STXBP4: variants seen among roughly 807,000 people sequenced by gnomAD.
STXBP4 encodes the protein syntaxin-binding protein 4.
Under a neutral mutation model 76.1 loss-of-function variants are expected in STXBP4, and 55 were observed. The ratio of observed to expected loss-of-function variants is 0.72; its 90% CI spans 0.58 to 0.91. STXBP4 has a LOEUF of 0.91. Ranked by LOEUF, STXBP4 falls within the 40% of genes least tolerant of loss-of-function variation. The probability of loss-of-function intolerance (pLI) is 0.00; values close to 1 mark genes in which losing one functional copy is unlikely to be tolerated. For missense variants in STXBP4, 618 were observed against 636.9 expected, an observed-to-expected ratio of 0.97 and a Z score of 0.32; for synonymous variants, 201 against 220.2, an observed-to-expected ratio of 0.91 and a Z score of 0.77.
chr17:55,200,948 T>C, the STXBP4 span, among the ~76,000 whole-genome samples: 1 of 152,226 alleles, frequency 6.6e-6, no homozygotes, highest in Non-Finnish European at 1.5e-5. Flanking sequence ...TCCATTGCTA[T>C]CCATCTTATT....
intron 16 of STXBP4, among the ~76,000 whole-genome samples, chr17:55,125,796 C>T (rs114203245): frequency 1.2e-3 from 176 of 152,218 alleles, no homozygotes; most frequent in African/African-American, 3.8e-3. Context: ...CCTAGCAGGA[C>T]ACTTAGAGTG....
At chr17:55,120,078 T>C (rs73325241) in intron 16 of STXBP4, among the ~76,000 whole-genome samples, 5,832 of 152,248 alleles carry the variant, frequency 0.038, 399 homozygotes, top group African/African-American at 0.13. Flanking sequence ...TAGAAAATAT[T>C]ATAAGTTAAA....
chr17:55,080,062 A>T (rs2079237227), intron 15 of STXBP4, among the ~76,000 whole-genome samples: 1 of 152,120 alleles, frequency 6.6e-6, no homozygotes, highest in African/African-American at 2.4e-5. Flanking sequence ...TAAGTGTGTC[A>T]CCCACCCTCA....
intron 1 of STXBP4, among the ~76,000 whole-genome samples, chr17:54,976,511 A>G (rs964057504): frequency 6.6e-6 from 1 of 152,192 alleles, no homozygotes; most frequent in African/African-American, 2.4e-5. Context: ...CATCTGGACA[A>G]TATGATACCA....
rs547687259 is a variant in STXBP4, at chr17:55,171,310, C to T, written c.*11399C>T. 56 of 152,298 alleles carry T rather than the reference C, an allele frequency of 3.7e-4. No homozygotes were observed. Among genetic ancestry groups the T allele is most frequent in the African/African-American group, 1.3e-3 (52 of 41,556 alleles). The allele number at this position is 152,298 out of a possible 1,614,324, so 9.4% of individuals were successfully genotyped here. A position where few individuals can be genotyped will look rare whatever the true frequency, so the allele number is the denominator to read the frequency against. ...TTGTAAGTTCCTCTAGTCCAACCAC[C>T]TTTCAAATGAAAGAATCCTTCCAAA... On this transcript the variant is annotated 3_prime_UTR_variant, in exon 18 of 18. Coordinates refer to ENST00000376352, the MANE Select transcript of STXBP4 (RefSeq NM_178509.6).
chr17:55,090,777 G>T (rs2144964434), intron 16 of STXBP4, among the ~76,000 whole-genome samples: 1 of 151,998 alleles, frequency 6.6e-6, no homozygotes, highest in East Asian at 1.9e-4. Context: ...AGATAGAAGA[G>T]GGATCTCATG....
chr17:55,099,926 T>C (rs2079543751), intron 16 of STXBP4, among the ~76,000 whole-genome samples: 1 of 152,120 alleles, frequency 6.6e-6, no homozygotes, highest in South Asian at 2.1e-4. Flanking sequence ...GCAACACACC[T>C]TATAGAAGGG....
intron 13 of STXBP4, among the ~76,000 whole-genome samples, chr17:55,074,907 A>T (rs1483083407): frequency 1.3e-5 from 2 of 151,730 alleles, no homozygotes; most frequent in Non-Finnish European, 2.9e-5. Flanking sequence ...TTTTTTTTTT[A>T]ATCATGAGAT....
intron 16 of STXBP4, among the ~76,000 whole-genome samples, chr17:55,092,152 TTAG>T (rs2079423096): frequency 1.3e-5 from 2 of 152,070 alleles, no homozygotes; most frequent in African/African-American, 4.8e-5. Context: ...CTCTGGGGAC[TTAG>T]TAGGAAGGCT....
chr17:55,084,041 C>T (rs2079291988), intron 16 of STXBP4, among the ~76,000 whole-genome samples: 1 of 152,132 alleles, frequency 6.6e-6, no homozygotes, highest in Non-Finnish European at 1.5e-5. Flanking sequence ...TTCTAGATCC[C>T]TGAGGAATCG....
chr17:55,209,507 G>A, the STXBP4 span, among the ~76,000 whole-genome samples: 1 of 152,182 alleles, frequency 6.6e-6, no homozygotes. Context: ...TGGGCAAGTT[G>A]TGCCTCACTT....
intron 16 of STXBP4, among the ~76,000 whole-genome samples, chr17:55,089,861 C>T (rs895936420): frequency 6.6e-6 from 1 of 152,090 alleles, no homozygotes; most frequent in Non-Finnish European, 1.5e-5. Flanking sequence ...TAAGCACAGG[C>T]CTTTAACTAC....
intron 7 of STXBP4, among the ~76,000 whole-genome samples, chr17:55,005,543 G>A (rs571339581): frequency 2.0e-5 from 3 of 152,330 alleles, no homozygotes; most frequent in South Asian, 4.1e-4. Flanking sequence ...ATGCTTAGAT[G>A]TAGGAAAACG....
rs545651720 is a variant in STXBP4, at chr17:55,103,816, G to A, written c.1489+22633G>A. Among the ~76,000 whole-genome samples, 5 of 152,148 alleles carry A rather than the reference G, an allele frequency of 3.3e-5. No individual in the cohort carries two copies. In the South Asian group the frequency reaches 8.3e-4, roughly 25 times the overall value. On this transcript the variant is annotated intron_variant, in intron 16 of 17. Coordinates refer to ENST00000376352, the MANE Select transcript of STXBP4 (RefSeq NM_178509.6). ...GTCCTCTAATTTCCTTGAGCAGTTT[G>A]TAGTTTTCCTTGAACAGGCCCTTCA...
intron 17 of STXBP4, among the ~76,000 whole-genome samples, chr17:55,144,123 C>G (rs1359245241): frequency 6.6e-6 from 1 of 151,840 alleles, no homozygotes; most frequent in Admixed American, 6.6e-5. Context: ...TCAAACAGAT[C>G]TTAATTTAGG....
At chr17:55,187,441 A>C in the STXBP4 span, among the ~76,000 whole-genome samples, 2 of 151,146 alleles carry the variant, frequency 1.3e-5, no homozygotes, top group African/African-American at 4.9e-5. Flanking sequence ...AAAAAAAAAA[A>C]ACAACAACAA....
chr17:55,038,364 G>T lies in STXBP4; in HGVS notation c.855+4105G>T, dbSNP rs528872422. On this transcript the variant is annotated intron_variant, in intron 10 of 17. Transcript: ENST00000376352. ...ACTTATAACAACATAGATTATTTTT[G>T]CCCCTTATTGAATTTCATAATAAAT... Among the ~76,000 whole-genome samples, 12 of 151,906 alleles carry T rather than the reference G, an allele frequency of 7.9e-5. No homozygotes were observed. In the East Asian group the frequency reaches 2.3e-3, roughly 29 times the overall value.
chr17:55,075,812 A>T (rs1194285963), intron 13 of STXBP4, among the ~76,000 whole-genome samples: 2 of 152,088 alleles, frequency 1.3e-5, no homozygotes, highest in Non-Finnish European at 2.9e-5. Flanking sequence ...AGCTCATGAG[A>T]GCTGATTGCA....
chr17:55,091,994 G>T (rs2079420793), intron 16 of STXBP4, among the ~76,000 whole-genome samples: 1 of 152,054 alleles, frequency 6.6e-6, no homozygotes, highest in Non-Finnish European at 1.5e-5. Flanking sequence ...CTCAGATAAG[G>T]GTACTCAACC....
Sources: allele counts gnomAD v4.1 joint callset (sites outside exome capture counted in the v4.1 genomes callset), GRCh38; gene constraint gnomAD v4.1.1; transcripts MANE v1.5; gene names NCBI Gene and HGNC (gene_info 2026-07-23, HGNC 2026-07-21).